Variants in DPP10 observed in about 807,000 individuals in gnomAD.
DPP10 encodes the protein inactive dipeptidyl peptidase 10.
Under a neutral mutation model 120.9 loss-of-function variants are expected in DPP10, and 33 were observed. The observed-to-expected ratio is 0.27, with a 90% CI of 0.21 to 0.37. The LOEUF (loss-of-function observed/expected upper bound fraction) is 0.37. Ranked by LOEUF, DPP10 falls within the 10% of genes least tolerant of loss-of-function variation. DPP10 has a pLI of 1.00. For missense variants in DPP10, 816 were observed against 942.8 expected, an observed-to-expected ratio of 0.87 and a Z score of 1.76; for synonymous variants, 337 against 326.1, an observed-to-expected ratio of 1.03 and a Z score of -0.36.
At chr2:115,063,379 C>A (rs769418150) in intron 1 of DPP10, among the ~76,000 whole-genome samples, 12 of 152,114 alleles carry the variant, frequency 7.9e-5, no homozygotes, top group Non-Finnish European at 1.8e-4. Context: ...TGTGCAGAAG[C>A]TCTTTAGTTT....
intron 2 of DPP10, among the ~76,000 whole-genome samples, chr2:115,330,841 G>A (rs2062682355): frequency 6.6e-6 from 1 of 152,164 alleles, no homozygotes; most frequent in Admixed American, 6.6e-5. Flanking sequence ...TTGTAGTATA[G>A]TTTGAAGTCT....
intron 1 of DPP10, among the ~76,000 whole-genome samples, chr2:114,900,221 G>A (rs1558860647): frequency 6.6e-6 from 1 of 152,300 alleles, no homozygotes; most frequent in Non-Finnish European, 1.5e-5. Context: ...CCAAAACAAG[G>A]TAAAATAGTA....
chr2:115,300,398 G>A (rs1163463919), intron 1 of DPP10, among the ~76,000 whole-genome samples: 2 of 151,898 alleles, frequency 1.3e-5, no homozygotes, highest in South Asian at 2.1e-4. Flanking sequence ...AGCAACTGTC[G>A]GGATTTCCTT....
rs1416969555 is a variant in DPP10, at chr2:115,403,365, CTT to C, written c.271+59455_271+59456del. Among the ~76,000 whole-genome samples the C allele has an allele frequency of 1.5e-4, 20 of 132,224 alleles. No individual in the cohort carries two copies. In the South Asian group the frequency reaches 1.6e-3, roughly 10 times the overall value. 86.7% of individuals were successfully genotyped at this position (132,224 alleles called of 152,430 possible). On this transcript the variant is annotated intron_variant, in intron 3 of 25. Transcript: ENST00000410059. ...CGATGCTCACTGTCACTACTTCTCT[CTT>C]TCTTTCTTTCCTTCTTTTTTTTTTT...
intron 3 of DPP10, 123 bp downstream of exon 3, chr2:115,344,035 C>A: frequency 1.6e-6 from 1 of 630,338 alleles, no homozygotes; most frequent in Non-Finnish European, 2.3e-6. Context: ...CCTTGGGAGG[C>A]CAAGGCAGGA....
intron 1 of DPP10, among the ~76,000 whole-genome samples, chr2:114,838,470 G>A (rs193134990): frequency 7.2e-5 from 11 of 151,788 alleles, no homozygotes; most frequent in Non-Finnish European, 1.0e-4. Flanking sequence ...GAGCTACCAC[G>A]CCTAGCTAAT....
intron 1 of DPP10, among the ~76,000 whole-genome samples, chr2:115,208,051 A>T (rs943207874): frequency 2.0e-5 from 3 of 152,194 alleles, no homozygotes; most frequent in Admixed American, 1.3e-4. Flanking sequence ...AAAATCCACT[A>T]ATCTAAGCCC....
chr2:114,814,660 G>A (rs1290110762), intron 1 of DPP10, among the ~76,000 whole-genome samples: 5 of 152,106 alleles, frequency 3.3e-5, no homozygotes, highest in African/African-American at 9.6e-5. Flanking sequence ...TGCAGGACCT[G>A]ACCTGAGCTT....
chr2:115,264,421 C>A (rs543671490), intron 1 of DPP10, among the ~76,000 whole-genome samples: 1 of 152,116 alleles, frequency 6.6e-6, no homozygotes. Context: ...AGGGCAGGAT[C>A]GCATAAACAA....
At chr2:114,663,668 T>TATATATATATATATATATAGAGAGAGAG in intron 1 of DPP10, among the ~76,000 whole-genome samples, 1 of 80,740 alleles carries the variant, frequency 1.2e-5, no homozygotes, top group African/African-American at 9.4e-5. Flanking sequence ...TATATATATA[T>TATATATATATATATATATAGAGAGAGAG]AGAGAGAGAG....
At chr2:115,432,727 G>A (rs902695763) in intron 3 of DPP10, among the ~76,000 whole-genome samples, 1 of 144,902 alleles carries the variant, frequency 6.9e-6, no homozygotes, top group Non-Finnish European at 1.5e-5. Context: ...TATCAATGGG[G>A]CAATGTTCCC....
At chr2:115,014,862 C>CAAAAA (rs144688918) in intron 1 of DPP10, among the ~76,000 whole-genome samples, 4 of 118,604 alleles carry the variant, frequency 3.4e-5, no homozygotes, top group Admixed American at 9.0e-5. Flanking sequence ...GCCTACCAAC[C>CAAAAA]AAAAAAAAAA....
chr2:114,608,598 A>C (rs1481558141), intron 1 of DPP10, among the ~76,000 whole-genome samples: 1 of 152,000 alleles, frequency 6.6e-6, no homozygotes, highest in East Asian at 1.9e-4. Context: ...AGACACATAC[A>C]CTCATATGTT....
chr2:114,594,093 G>A (rs925359257), intron 1 of DPP10, among the ~76,000 whole-genome samples: 1 of 151,972 alleles, frequency 6.6e-6, no homozygotes, highest in Non-Finnish European at 1.5e-5. Flanking sequence ...TGAGTCAGTG[G>A]GCTGGGAAAG....
chr2:114,963,467 C>T (rs1227188062), intron 1 of DPP10, among the ~76,000 whole-genome samples: 1 of 151,978 alleles, frequency 6.6e-6, no homozygotes, highest in Non-Finnish European at 1.5e-5. Context: ...ACTGAATATA[C>T]AAGAAGTAAG....
At chr2:115,289,071 G>GC (rs2060530331) in intron 1 of DPP10, among the ~76,000 whole-genome samples, 1 of 152,072 alleles carries the variant, frequency 6.6e-6, no homozygotes, top group African/African-American at 2.4e-5. Flanking sequence ...AACACTCCCG[G>GC]ATTTGATCAG....
At chr2:115,701,548 A>G (rs946730169) in intron 7 of DPP10, among the ~76,000 whole-genome samples, 1 of 152,126 alleles carries the variant, frequency 6.6e-6, no homozygotes, top group Non-Finnish European at 1.5e-5. Flanking sequence ...ATCATTTTGC[A>G]GTGCTTTCTT....
intron 1 of DPP10, among the ~76,000 whole-genome samples, chr2:115,302,776 C>A (rs542133616): frequency 6.6e-6 from 1 of 152,000 alleles, no homozygotes; most frequent in Admixed American, 6.6e-5. Context: ...ACAGCATAAA[C>A]CTATAAAGAG....
chr2:114,848,128 C>T (rs1359773208), intron 1 of DPP10, among the ~76,000 whole-genome samples: 1 of 152,038 alleles, frequency 6.6e-6, no homozygotes, highest in Non-Finnish European at 1.5e-5. Flanking sequence ...AAGGATGGCC[C>T]GAGTTTATAA....
Sources: gnomAD v4.1 joint callset for allele counts (sites outside exome capture counted in the v4.1 genomes callset) on GRCh38, gnomAD v4.1.1 for gene constraint, MANE v1.5 for transcripts, NCBI Gene and HGNC (gene_info 2026-07-23, HGNC 2026-07-21) for gene names.